Variants in PSG3 observed in about 807,000 individuals in gnomAD.
The protein encoded by PSG3 is pregnancy specific beta-1-glycoprotein 3.
A neutral mutation model predicts 47.5 loss-of-function variants in PSG3; 61 were observed. The observed-to-expected ratio is 1.28, with a 90% CI of 1.05 to 1.59. The LOEUF (loss-of-function observed/expected upper bound fraction) is 1.59, where lower values mean the gene tolerates loss of function less well. PSG3 is among the 40% of genes most tolerant of loss of function. The pLI, the probability that PSG3 is intolerant of heterozygous loss-of-function variation, is 0.00. For missense variants in PSG3, 756 were observed against 524.0 expected (o/e 1.44, Z -4.32); for synonymous variants, 263 against 198.4 (o/e 1.33, Z -2.74).
rs1214722691 is a variant in PSG3, at chr19:42,721,674, CAT to C, written c.*455_*456del. The stretch of plus-strand genomic sequence containing the variant: ...GTGCAGATAACTTTATTACCATAAA[CAT>C]ATGAATACTCCTGAATAGTTTCCCA... On this transcript the variant is annotated 3_prime_UTR_variant, in exon 7 of 7. Transcript: ENST00000327495. The C allele has an allele frequency of 3.2e-6, 1 of 310,042 alleles. No homozygotes were observed. Among genetic ancestry groups the C allele is most frequent in the Non-Finnish European group, 5.8e-6 (1 of 171,118 alleles). 19.2% of individuals were successfully genotyped at this position (310,042 alleles called of 1,614,324 possible).
chr19:42,737,448 C>G (rs1455925451), intron 2 of PSG3, among the ~76,000 whole-genome samples: 1 of 152,082 alleles, frequency 6.6e-6, no homozygotes, highest in Admixed American at 6.6e-5. Flanking sequence ...CTCCTTGATC[C>G]TCTTGTGACA....
chr19:42,721,884 G>GT lies in PSG3; in HGVS notation c.*246dup, dbSNP rs1179398471. 2.4e-6 allele frequency: 1 copy of GT among 414,896 alleles called. No individual in the cohort carries two copies. The highest frequency in any genetic ancestry group is 4.4e-6 in the Non-Finnish European group (1 of 226,026). The allele number at this position is 414,896 out of a possible 1,614,324, so 25.7% of individuals were successfully genotyped here. On this transcript the variant is annotated 3_prime_UTR_variant, in exon 7 of 7. Transcript: ENST00000327495. ...TGACTATTTAGTCCAATAAAATTGGGTTTTTTTCTTTGTCTTGAATTTCAT... is the reference window on the plus strand; with the variant it reads ...TGACTATTTAGTCCAATAAAATTGGGTTTTTTTTCTTTGTCTTGAATTTCAT...
chr19:42,734,536 G>A (rs7256532), intron 2 of PSG3, among the ~76,000 whole-genome samples: 25,343 of 152,128 alleles, frequency 0.17, 3,735 homozygotes, highest in African/African-American at 0.4. Context: ...AGGAAACATT[G>A]AAATGTTTTC....
chr19:42,735,088 G>T (rs1338831624), intron 2 of PSG3, among the ~76,000 whole-genome samples: 1 of 152,142 alleles, frequency 6.6e-6, no homozygotes, highest in Non-Finnish European at 1.5e-5. Flanking sequence ...CACCCACCTG[G>T]CCACCTCCAC....
intron 3 of PSG3, among the ~76,000 whole-genome samples, chr19:42,731,445 TG>T (rs754562946): frequency 6.6e-6 from 1 of 152,160 alleles, no homozygotes; most frequent in Non-Finnish European, 1.5e-5. Flanking sequence ...TTTTCTAGCT[TG>T]GTGATTAGTT....
chr19:42,730,117 C>T (rs2883103), intron 3 of PSG3, 61 bp from the exon 4 acceptor site: 2 of 1,597,090 alleles, frequency 1.3e-6, no homozygotes, highest in Admixed American at 1.7e-5. Context: ...CCACTGGCAT[C>T]CTTCAATCAG....
chr19:42,739,339 G>C, intron 1 of PSG3: 2 of 621,130 alleles, frequency 3.2e-6, no homozygotes, highest in Non-Finnish European at 5.1e-6. Flanking sequence ...TTTTCTGTTT[G>C]GAATCCTCTT....
intron 5 of PSG3, among the ~76,000 whole-genome samples, chr19:42,724,326 G>A (rs139621474): frequency 6.6e-6 from 1 of 152,104 alleles, no homozygotes; most frequent in African/African-American, 2.4e-5. Context: ...TGCCACCTTT[G>A]CACCTTTTCA....
intron 2 of PSG3, among the ~76,000 whole-genome samples, chr19:42,735,093 C>A (rs1360239521): frequency 6.6e-6 from 1 of 152,202 alleles, no homozygotes; most frequent in Non-Finnish European, 1.5e-5. Flanking sequence ...ACCTGGCCAC[C>A]TCCACCTGGT....
intron 5 of PSG3, among the ~76,000 whole-genome samples, chr19:42,725,329 G>A (rs188439648): frequency 4.6e-5 from 7 of 152,060 alleles, no homozygotes; most frequent in South Asian, 4.2e-4. Flanking sequence ...AAGATCTCAG[G>A]TCAACAACCT....
intron 1 of PSG3, 49 bp from the exon 2 acceptor site, chr19:42,739,138 G>T: frequency 6.4e-7 from 1 of 1,550,776 alleles, no homozygotes; most frequent in Non-Finnish European, 8.7e-7. Context: ...ATGCATTGGG[G>T]TGAAAAGATG....
chr19:42,731,044 C>A (rs1180586943), intron 3 of PSG3, among the ~76,000 whole-genome samples: 1 of 152,148 alleles, frequency 6.6e-6, no homozygotes, highest in Non-Finnish European at 1.5e-5. Context: ...CTCTAGGGAC[C>A]TCATGTAAGT....
Position 42,739,043 on chromosome 19 carries a change from C to A in PSG3, c.111G>T (p.Thr37=), listed in dbSNP as rs374863287. ...FWNLPTTAQV[T]IEAEPTKVSK... ...AAACTTTGGTTGGCTCGGCTTCAAT[C>A]GTGACTTGGGCAGTGGTAGGCAAGT... Residue 37 remains threonine, a synonymous_variant, in exon 2 of 7, where the codon ACG becomes ACT. Coordinates refer to ENST00000327495, the MANE Select transcript of PSG3 (RefSeq NM_021016.4). The A allele has an allele frequency of 1.2e-6, 2 of 1,613,072 alleles. No homozygotes were observed. The highest frequency in any genetic ancestry group is 1.1e-5 in the South Asian group (1 of 91,046).
chr19:42,738,278 C>T (rs181201424), intron 2 of PSG3, among the ~76,000 whole-genome samples: 1 of 152,336 alleles, frequency 6.6e-6, no homozygotes, highest in East Asian at 1.9e-4. Flanking sequence ...AGCGACAACC[C>T]AGCCCCAGTA....
At chr19:42,740,242 C>G in intron 1 of PSG3, 79 bp downstream of exon 1, 1 of 1,612,222 alleles carries the variant, frequency 6.2e-7, no homozygotes, top group Non-Finnish European at 8.5e-7. Flanking sequence ...TTTTTAGAAC[C>G]CCAGGAGTCT....
intron 3 of PSG3, chr19:42,732,446 T>A: frequency 4.2e-6 from 2 of 479,994 alleles, no homozygotes; most frequent in South Asian, 2.5e-5. Context: ...TCCTGGTCTG[T>A]GGAAGGGCCA....
At chr19:42,731,398 C>A (rs959181596) in intron 3 of PSG3, among the ~76,000 whole-genome samples, 6 of 152,126 alleles carry the variant, frequency 3.9e-5, no homozygotes, top group African/African-American at 1.2e-4. Context: ...AGGTGATAAG[C>A]CAAAGATATT....
intron 5 of PSG3, among the ~76,000 whole-genome samples, chr19:42,727,079 G>A (rs1180405536): frequency 6.6e-6 from 1 of 152,132 alleles, no homozygotes; most frequent in Non-Finnish European, 1.5e-5. Flanking sequence ...ATATCCAAGG[G>A]CAAGAACAGT....
chr19:42,727,329 C>A (rs61542360), intron 5 of PSG3, among the ~76,000 whole-genome samples: 1 of 151,982 alleles, frequency 6.6e-6, no homozygotes, highest in African/African-American at 2.4e-5. Context: ...AAGCAACCCA[C>A]GAAATGATAA....
Sources: gnomAD v4.1 joint callset for allele counts (sites outside exome capture counted in the v4.1 genomes callset) on GRCh38, gnomAD v4.1.1 for gene constraint, MANE v1.5 for transcripts, NCBI Gene and HGNC (gene_info 2026-07-23, HGNC 2026-07-21) for gene names.